The following KCNK10 variants were observed in gnomAD, a reference collection of about 807,000 sequenced individuals.
KCNK10 encodes the protein potassium channel subfamily K member 10.
A neutral mutation model predicts 47.7 loss-of-function variants in KCNK10; 25 were observed. The ratio of observed to expected loss-of-function variants is 0.52; its 90% CI spans 0.38 to 0.73. The LOEUF is 0.73. Among genes scored for constraint, KCNK10 ranks in the 30% least tolerant of loss-of-function variants. KCNK10 has a pLI of 0.00. For synonymous variants in KCNK10, 303 were observed against 285.6 expected, an observed-to-expected ratio of 1.06 and a Z score of -0.61; for missense variants, 563 against 714.5, an observed-to-expected ratio of 0.79 and a Z score of 2.42.
At chr14:88,195,884 T>A (rs954397373) in intron 4 of KCNK10, among the ~76,000 whole-genome samples, 8 of 152,186 alleles carry the variant, frequency 5.3e-5, no homozygotes, top group African/African-American at 1.9e-4. Flanking sequence ...TGGAGCTGTG[T>A]TTCCACGGTG....
intron 4 of KCNK10, among the ~76,000 whole-genome samples, chr14:88,200,223 T>C (rs1885061825): frequency 6.6e-6 from 1 of 151,906 alleles, no homozygotes; most frequent in Non-Finnish European, 1.5e-5. Context: ...CTTGTCCACA[T>C]AAAACTATAA....
intron 2 of KCNK10, among the ~76,000 whole-genome samples, chr14:88,246,229 C>T: frequency 6.8e-6 from 1 of 146,268 alleles, no homozygotes; most frequent in Non-Finnish European, 1.5e-5. Flanking sequence ...CGCCACTGCA[C>T]TCCAGCCTGG....
intron 1 of KCNK10, among the ~76,000 whole-genome samples, chr14:88,307,990 G>C (rs998559291): frequency 5.3e-5 from 8 of 152,104 alleles, no homozygotes; most frequent in Non-Finnish European, 5.9e-5. Context: ...CGGTTCTCAA[G>C]TTGGGAAGCA....
chr14:88,266,289 G>A (rs1175409601), intron 1 of KCNK10, among the ~76,000 whole-genome samples: 1 of 152,196 alleles, frequency 6.6e-6, no homozygotes, highest in Admixed American at 6.5e-5. Flanking sequence ...CTGAAAGCAG[G>A]TCCTCAAACA....
At chr14:88,215,480 A>T (rs1161437201) in intron 4 of KCNK10, among the ~76,000 whole-genome samples, 1 of 152,188 alleles carries the variant, frequency 6.6e-6, no homozygotes. Context: ...CCCTCCCACA[A>T]CACATGAGGA....
chr14:88,228,713 C>T (rs543900937), intron 3 of KCNK10, among the ~76,000 whole-genome samples: 39 of 152,284 alleles, frequency 2.6e-4, no homozygotes, highest in African/African-American at 8.9e-4. Flanking sequence ...CGGTTGCCTT[C>T]TGCCTTCGGG....
chr14:88,253,726 C>G (rs1379652456), intron 2 of KCNK10, among the ~76,000 whole-genome samples: 1 of 152,006 alleles, frequency 6.6e-6, no homozygotes, highest in Non-Finnish European at 1.5e-5. Context: ...CTGGCAACAC[C>G]CTGTCTCTAC....
chr14:88,190,421 C>T (rs566291708), intron 5 of KCNK10, among the ~76,000 whole-genome samples: 12 of 152,296 alleles, frequency 7.9e-5, no homozygotes, highest in African/African-American at 2.4e-4. Flanking sequence ...GGACCGGCTA[C>T]GGATGATGCC....
rs765133932 is a variant in KCNK10 at position 88,227,404 on chromosome 14, T to C, written c.652A>G (p.Ser218Gly). ...AAGACCTTCTCCACTCTTGCAATGC[T>C]TTTCCCAAAGATGGTTCCAAGTTGG... is the stretch of plus-strand genomic sequence containing the variant. The part of the protein sequence containing the change: ...GDQLGTIFGK[S>G]IARVEKVFRK... Residue 218 changes from serine (S) to glycine (G), a missense_variant, in exon 4 of 7, where the codon AGC (serine) becomes GGC (glycine). Coordinates refer to ENST00000319231, the MANE Select transcript of KCNK10 (RefSeq NM_138317.3). The C allele has an allele frequency of 6.2e-7, 1 of 1,612,320 alleles. No homozygotes were observed. The highest frequency in any genetic ancestry group is 8.5e-7 in the Non-Finnish European group (1 of 1,179,418).
intron 3 of KCNK10, among the ~76,000 whole-genome samples, chr14:88,238,410 C>T (rs1428238199): frequency 1.3e-5 from 2 of 152,204 alleles, no homozygotes; most frequent in African/African-American, 4.8e-5. Flanking sequence ...GTGGCTCATG[C>T]CTGTAATTCC....
At chr14:88,191,729 T>C (rs1488016394) in intron 5 of KCNK10, among the ~76,000 whole-genome samples, 17 of 152,192 alleles carry the variant, frequency 1.1e-4, no homozygotes, top group Non-Finnish European at 2.5e-4. Context: ...CAGCTCCCCA[T>C]AGTCACCAAA....
rs566031087 is a variant in KCNK10 at position 88,260,690 on chromosome 14, G to T, written c.402+2512C>A. On this transcript the variant is annotated intron_variant, in intron 2 of 6. Coordinates refer to ENST00000319231, the MANE Select transcript of KCNK10 (RefSeq NM_138317.3). The surrounding 1 kb of genome is among the most constrained non-coding windows in gnomAD (Gnocchi z 4.5). ...CCCTGTAAAATGGGAATCGTGATAT[G>T]AACTTAGAGTGTTGTTGATAAGATT... Among the ~76,000 whole-genome samples the T allele has an allele frequency of 2.0e-3, 311 of 152,324 alleles. No homozygotes were observed. The highest frequency in any genetic ancestry group is 2.9e-3 in the Admixed American group (45 of 15,304).
intron 4 of KCNK10, among the ~76,000 whole-genome samples, chr14:88,216,367 T>C (rs1385962595): frequency 2.0e-5 from 3 of 152,322 alleles, no homozygotes; most frequent in Non-Finnish European, 4.4e-5. Flanking sequence ...TCAAATTAAC[T>C]AGGGCGATTT....
intron 3 of KCNK10, among the ~76,000 whole-genome samples, chr14:88,228,720 C>T (rs761406365): frequency 1.3e-5 from 2 of 152,142 alleles, no homozygotes; most frequent in African/African-American, 2.4e-5. Context: ...CTTCTGCCTT[C>T]GGGAATGAGT....
intron 2 of KCNK10, 46 bp from the exon 3 acceptor site, chr14:88,240,866 TA>T (rs776485992): frequency 1.7e-5 from 21 of 1,236,738 alleles, no homozygotes; most frequent in Non-Finnish European, 2.4e-5. Flanking sequence ...AAAAGTTGTT[TA>T]TTTTTTTTTT....
chr14:88,284,829 C>A (rs967757116), intron 1 of KCNK10, among the ~76,000 whole-genome samples: 3 of 152,168 alleles, frequency 2.0e-5, no homozygotes, highest in Non-Finnish European at 4.4e-5. Flanking sequence ...TAAATCCAAT[C>A]AAGTTGACAA....
At chr14:88,250,164 T>C (rs575470913) in intron 2 of KCNK10, among the ~76,000 whole-genome samples, 2 of 152,180 alleles carry the variant, frequency 1.3e-5, no homozygotes, top group Admixed American at 6.5e-5. Flanking sequence ...CATTTTCCAG[T>C]GGCATGCCAA....
intron 1 of KCNK10, among the ~76,000 whole-genome samples, chr14:88,270,576 A>G (rs569416139): frequency 6.6e-6 from 1 of 152,142 alleles, no homozygotes; most frequent in African/African-American, 2.4e-5. Flanking sequence ...GCACTTCCAG[A>G]TGGAAGAGAT....
chr14:88,186,144 G>C lies in KCNK10; in HGVS notation c.1023C>G (p.Ile341Met). The C allele has an allele frequency of 4.4e-6, 7 of 1,585,502 alleles. No individual in the cohort carries two copies. The highest frequency in any genetic ancestry group is 6.0e-6 in the Non-Finnish European group (7 of 1,165,572). ...CCTTCCACTCTGCCGCATGGGCCTT[G>C]ATTTCACCCACCTGGCCAAGAGACA... is the stretch of plus-strand genomic sequence containing the variant. Reference protein sequence around the residue: ...SKKTKEEVGEIKAHAAEWKAN... With the variant: ...SKKTKEEVGEMKAHAAEWKAN... The change falls in exon 7 of 7, where the codon ATC becomes ATG. Residue 341 changes from isoleucine to methionine, a missense_variant. By Grantham distance (10) the Ile-to-Met change is conservative. Coordinates refer to ENST00000319231, the MANE Select transcript of KCNK10 (RefSeq NM_138317.3). The surrounding 1 kb of genome is among the most constrained non-coding windows in gnomAD (Gnocchi z 5.5).
Sources: gnomAD v4.1 joint callset for allele counts (sites outside exome capture counted in the v4.1 genomes callset) on GRCh38, gnomAD v4.1.1 for gene constraint, Gnocchi (gnomAD v3.1) non-coding constraint, MANE v1.5 for transcripts, NCBI Gene and HGNC (gene_info 2026-07-23, HGNC 2026-07-21) for gene names.